ADCY1: variants seen among roughly 807,000 people sequenced by gnomAD.
The protein encoded by ADCY1 is adenylate cyclase type 1.
A neutral mutation model predicts 105.4 loss-of-function variants in ADCY1; 28 were observed. The observed-to-expected ratio is 0.27, with a 90% CI of 0.20 to 0.36. The LOEUF is 0.36. ADCY1 is among the 10% of genes least tolerant of loss of function. The pLI is 1.00. For missense variants in ADCY1, 977 were observed against 1,434.2 expected (o/e 0.68, Z 5.15); for synonymous variants, 655 against 623.8 (o/e 1.05, Z -0.75).
rs1293523639 is a variant in ADCY1 at position 45,622,752 on chromosome 7, A to G, written c.1020+9A>G. On this transcript the variant is annotated intron_variant, in intron 4 of 19. Coordinates refer to ENST00000297323, the MANE Select transcript of ADCY1 (RefSeq NM_021116.4). ...TCGATGAATTAGCCACGGTAAGTGC[A>G]GCGTTTTTCTTTGTTCGAATTAAAT... 4.4e-6 allele frequency: 7 copies of G among 1,605,710 alleles called. No individual in the cohort carries two copies. Among genetic ancestry groups the G allele is most frequent in the Non-Finnish European group, 5.1e-6 (6 of 1,175,156 alleles).
At chr7:45,658,533 C>G (rs968609646) in intron 6 of ADCY1, among the ~76,000 whole-genome samples, 1 of 152,194 alleles carries the variant, frequency 6.6e-6, no homozygotes, top group African/African-American at 2.4e-5. Context: ...ACTGGCTGCC[C>G]CTCAGCAGGC....
At chr7:45,593,279 A>G (rs1334443034) in intron 2 of ADCY1, among the ~76,000 whole-genome samples, 1 of 152,166 alleles carries the variant, frequency 6.6e-6, no homozygotes, top group Non-Finnish European at 1.5e-5. Context: ...TGAGGCTTCC[A>G]CCAGCTCTGC....
At chr7:45,669,117 G>T (rs1189565818) in intron 8 of ADCY1, among the ~76,000 whole-genome samples, 1 of 152,134 alleles carries the variant, frequency 6.6e-6, no homozygotes, top group East Asian at 1.9e-4. Context: ...GGGTTTTTGT[G>T]TCTCTATCTC....
At chr7:45,678,870 A>G (rs1406244228) in intron 10 of ADCY1, among the ~76,000 whole-genome samples, 1 of 150,612 alleles carries the variant, frequency 6.6e-6, no homozygotes, top group Non-Finnish European at 1.5e-5. Context: ...TGGATGACAT[A>G]GTGAGACTTT....
intron 4 of ADCY1, among the ~76,000 whole-genome samples, chr7:45,638,059 C>A (rs143316519): frequency 7.8e-4 from 119 of 152,036 alleles, no homozygotes; most frequent in African/African-American, 2.7e-3. Context: ...TTTGAGTTTT[C>A]TTCATGTTTC....
intron 4 of ADCY1, among the ~76,000 whole-genome samples, chr7:45,624,162 TC>T (rs1170587201): frequency 6.6e-6 from 1 of 151,976 alleles, no homozygotes; most frequent in African/African-American, 2.4e-5. Flanking sequence ...TTGTGCAGAG[TC>T]CTGAGGGGCA....
In ADCY1 at chr7:45,662,331, G is replaced by T; in HGVS notation, c.1605+117G>T. On this transcript the variant is annotated intron_variant, in intron 8 of 19. Transcript: ENST00000297323. ...GATCAGAATTCCCTGTTCACATGTG[G>T]ATAATCTTGTAAATGCTGCTCAGAG... 4 of 1,168,074 alleles carry T rather than the reference G, an allele frequency of 3.4e-6. No homozygotes were observed. The South Asian group carries it at 6.4e-5, about 19-fold the overall frequency. The allele number at this position is 1,168,074 out of a possible 1,614,324, so 72.4% of individuals were successfully genotyped here.
chr7:45,635,616 T>G (rs1327297045), intron 4 of ADCY1, among the ~76,000 whole-genome samples: 2 of 141,502 alleles, frequency 1.4e-5, no homozygotes, highest in African/African-American at 5.0e-5. Flanking sequence ...TTTTTTTTTT[T>G]TTTTTTTTTT....
At chr7:45,615,810 T>G (rs1225578586) in intron 3 of ADCY1, among the ~76,000 whole-genome samples, 1 of 151,748 alleles carries the variant, frequency 6.6e-6, no homozygotes, top group Non-Finnish European at 1.5e-5. Flanking sequence ...AAGAACATAT[T>G]AAGCCCAAAG....
intron 14 of ADCY1, among the ~76,000 whole-genome samples, chr7:45,697,803 A>G (rs1009273465): frequency 6.6e-6 from 1 of 152,224 alleles, no homozygotes; most frequent in Non-Finnish European, 1.5e-5. Context: ...ACTACCAAGC[A>G]TTTCAGCACA....
chr7:45,697,522 C>T (rs1784910297), intron 14 of ADCY1, among the ~76,000 whole-genome samples: 1 of 151,688 alleles, frequency 6.6e-6, no homozygotes, highest in Non-Finnish European at 1.5e-5. Flanking sequence ...TCCTGAGTAG[C>T]TGGGGTTACA....
chr7:45,638,342 G>A (rs972087777), intron 4 of ADCY1, among the ~76,000 whole-genome samples: 1 of 152,110 alleles, frequency 6.6e-6, no homozygotes. Flanking sequence ...TGCAGTGTAT[G>A]TCATGTCATT....
intron 4 of ADCY1, among the ~76,000 whole-genome samples, chr7:45,637,261 C>T (rs1375028438): frequency 6.6e-6 from 1 of 152,148 alleles, no homozygotes; most frequent in East Asian, 1.9e-4. Flanking sequence ...ATACATTTTA[C>T]TTTTTCTAGT....
At position 45,708,744 on chromosome 7, in the gene ADCY1, C is replaced by T. The variant is rs1785169598; in HGVS notation, c.2932+280C>T. ...GAGACGTTCAGATGCTCCTCCAAGT[C>T]CACACTTAGCTGAAGTAAAATGCCC... On this transcript the variant is annotated intron_variant, in intron 18 of 19. Transcript: ENST00000297323. This position sits in a 1 kb window ranked among gnomAD's most constrained non-coding sequence, Gnocchi z 4.7. Among the ~76,000 whole-genome samples, 1 of 152,224 alleles carries T rather than the reference C, an allele frequency of 6.6e-6. No homozygotes were observed. The highest frequency in any genetic ancestry group is 2.1e-4 in the South Asian group (1 of 4,828).
chr7:45,611,379 C>T (rs1177506500), intron 3 of ADCY1, among the ~76,000 whole-genome samples: 2 of 152,076 alleles, frequency 1.3e-5, no homozygotes, highest in Non-Finnish European at 1.5e-5. Context: ...TACACTTCCT[C>T]TGTTGACTGG....
At chr7:45,637,968 T>C (rs902959959) in intron 4 of ADCY1, among the ~76,000 whole-genome samples, 3 of 152,226 alleles carry the variant, frequency 2.0e-5, no homozygotes, top group African/African-American at 7.2e-5. Context: ...TCAACTGTCT[T>C]TCTTTGTTTG....
chr7:45,711,386 G>A (rs1785227365), intron 19 of ADCY1, among the ~76,000 whole-genome samples: 1 of 152,006 alleles, frequency 6.6e-6, no homozygotes, highest in South Asian at 2.1e-4. Flanking sequence ...GGACAGGTAG[G>A]CCAAAATATT....
At chr7:45,665,042 G>T (rs919006550) in intron 8 of ADCY1, among the ~76,000 whole-genome samples, 2 of 152,044 alleles carry the variant, frequency 1.3e-5, no homozygotes, top group Admixed American at 1.3e-4. Flanking sequence ...TTGGTTTTCT[G>T]TTCCTGTGTT....
intron 5 of ADCY1, among the ~76,000 whole-genome samples, chr7:45,656,430 C>T (rs549388681): frequency 2.6e-5 from 4 of 152,320 alleles, no homozygotes; most frequent in Admixed American, 1.3e-4. Context: ...GGTTTCTGAA[C>T]GTGTGCTGGG....
Sources: allele counts gnomAD v4.1 joint callset (sites outside exome capture counted in the v4.1 genomes callset), GRCh38; gene constraint gnomAD v4.1.1; non-coding constraint Gnocchi (gnomAD v3.1); transcripts MANE v1.5; gene names NCBI Gene and HGNC (gene_info 2026-07-23, HGNC 2026-07-21).